The following NDUFA10 variants were observed in gnomAD, a reference collection of about 807,000 sequenced individuals.
NDUFA10 encodes the protein NADH dehydrogenase [ubiquinone] 1 alpha subcomplex subunit 10, mitochondrial.
A neutral mutation model predicts 47.8 loss-of-function variants in NDUFA10; 40 were observed. The ratio of observed to expected loss-of-function variants is 0.84; its 90% CI spans 0.65 to 1.09. The LOEUF is 1.09. Among genes scored for constraint, NDUFA10 ranks in the 50% least tolerant of loss-of-function variants. The pLI, the probability that NDUFA10 is intolerant of heterozygous loss-of-function variation, is 0.00. For synonymous variants in NDUFA10, 183 were observed against 172.2 expected, an observed-to-expected ratio of 1.06 and a Z score of -0.49; for missense variants, 413 against 451.1, an observed-to-expected ratio of 0.92 and a Z score of 0.76.
At chr2:239,893,324 C>G (rs955409864) in intron 5 of NDUFA10, among the ~76,000 whole-genome samples, 2 of 152,136 alleles carry the variant, frequency 1.3e-5, no homozygotes, top group Non-Finnish European at 2.9e-5. Context: ...CATGTGCCCA[C>G]CTCTGAGCCA....
intron 9 of NDUFA10, among the ~76,000 whole-genome samples, chr2:239,986,941 A>G (rs906833501): frequency 7.3e-6 from 1 of 137,488 alleles, no homozygotes; most frequent in African/African-American, 2.5e-5. Context: ...TATCCCTCAA[A>G]ACCACATTGA....
chr2:239,912,771 G>A (rs1693778194), intron 4 of NDUFA10, among the ~76,000 whole-genome samples: 1 of 152,332 alleles, frequency 6.6e-6, no homozygotes, highest in Middle Eastern at 3.4e-3. Context: ...GAGGCTGGTG[G>A]TGGTCAACTG....
rs895986487 is a variant in NDUFA10 at position 239,959,921 on chromosome 2, G to A, written c.*1197C>T. On this transcript the variant is annotated 3_prime_UTR_variant, in exon 10 of 10. Transcript: ENST00000252711. ...TCTTCTTCGCATGCTCCGCAGCAGCGAGGCCTGGTAGAGCTTCCGCGGGGA... is the reference window on the plus strand; with the variant it reads ...TCTTCTTCGCATGCTCCGCAGCAGCAAGGCCTGGTAGAGCTTCCGCGGGGA... The A allele has an allele frequency of 1.9e-5, 19 of 985,376 alleles. No individual in the cohort carries two copies. Among genetic ancestry groups the A allele is most frequent in the African/African-American group, 1.0e-4 (6 of 57,228 alleles). 61.0% of individuals were successfully genotyped at this position (985,376 alleles called of 1,614,324 possible).
intron 4 of NDUFA10, among the ~76,000 whole-genome samples, chr2:239,901,709 T>C (rs937808615): frequency 1.3e-4 from 19 of 151,696 alleles, no homozygotes; most frequent in African/African-American, 4.4e-4. Context: ...GCAAAGTCAA[T>C]TGAAAACCTT....
intron 9 of NDUFA10, chr2:239,983,689 T>C: frequency 6.4e-7 from 1 of 1,573,982 alleles, no homozygotes; most frequent in Non-Finnish European, 8.6e-7. Flanking sequence ...TGTGGATTCC[T>C]CCCCAAAACA....
intron 4 of NDUFA10, among the ~76,000 whole-genome samples, chr2:239,942,696 C>A (rs1320226044): frequency 6.6e-6 from 1 of 152,114 alleles, no homozygotes; most frequent in Non-Finnish European, 1.5e-5. Flanking sequence ...GGTCCCTTCT[C>A]CAGCACTGAG....
intron 5 of NDUFA10, among the ~76,000 whole-genome samples, chr2:239,893,063 A>C (rs1328462455): frequency 6.6e-6 from 1 of 152,052 alleles, no homozygotes; most frequent in African/African-American, 2.4e-5. Context: ...CAGCAACAGG[A>C]AACTAGTTGG....
intron 9 of NDUFA10, among the ~76,000 whole-genome samples, chr2:239,967,975 A>AAAAAACAC (rs759401228): frequency 2.4e-5 from 1 of 42,084 alleles, no homozygotes; most frequent in African/African-American, 1.0e-4. Flanking sequence ...CAAGGAAAAA[A>AAAAAACAC]ATATACACAC....
chr2:239,959,974 T>A lies in NDUFA10; in HGVS notation c.*1144A>T, dbSNP rs1694782725. 1.0e-6 allele frequency: 1 copy of A among 985,376 alleles called. No homozygotes were observed. The highest frequency in any genetic ancestry group is 1.7e-5 in the African/African-American group (1 of 57,258). 61.0% of individuals were successfully genotyped at this position (985,376 alleles called of 1,614,324 possible). A position where few individuals can be genotyped will look rare whatever the true frequency, so the allele number is the denominator to read the frequency against. On this transcript the variant is annotated 3_prime_UTR_variant, in exon 10 of 10. Transcript: ENST00000252711. Reference sequence around the variant, plus strand: ...AGAGCATCGTCCTCTGCACCAGCACTGGAACTACTGCCCACAGGCGGCTGT... The same window carrying A: ...AGAGCATCGTCCTCTGCACCAGCACAGGAACTACTGCCCACAGGCGGCTGT...
intron 4 of NDUFA10, among the ~76,000 whole-genome samples, chr2:239,950,998 T>C (rs188868240): frequency 3.9e-5 from 6 of 152,338 alleles, no homozygotes; most frequent in African/African-American, 1.2e-4. Flanking sequence ...CCCTCGTTCC[T>C]TTGTCAGGTA....
intron 7 of NDUFA10, among the ~76,000 whole-genome samples, chr2:240,006,979 G>T (rs6437232): frequency 0.69 from 104,447 of 152,216 alleles, 36,039 homozygotes; most frequent in East Asian, 0.76. Flanking sequence ...CAAAACACAC[G>T]AATTTAAGGA....
chr2:239,903,102 G>T (rs533732257), intron 4 of NDUFA10, among the ~76,000 whole-genome samples: 2 of 152,176 alleles, frequency 1.3e-5, no homozygotes, highest in East Asian at 3.9e-4. Context: ...GTCTGACCCA[G>T]CTCACCTCAC....
At chr2:240,005,404 A>G in intron 7 of NDUFA10, 109 bp from the exon 8 acceptor site, 2 of 864,762 alleles carry the variant, frequency 2.3e-6, no homozygotes, top group South Asian at 2.7e-5. Flanking sequence ...GCTGGAAAGT[A>G]GTGGCACAAT....
In NDUFA10 at chr2:239,958,106, T is replaced by C. The variant is rs985004649; in HGVS notation, c.*3012A>G. The C allele has an allele frequency of 1.3e-5, 2 of 152,204 alleles. No homozygotes were observed. The highest frequency in any genetic ancestry group is 2.9e-5 in the Non-Finnish European group (2 of 68,028). 9.4% of individuals were successfully genotyped at this position (152,204 alleles called of 1,614,324 possible). On this transcript the variant is annotated 3_prime_UTR_variant, in exon 10 of 10. Transcript: ENST00000252711. ...CAGATCACTCGGGCACCTGCTTCCA[T>C]TCATGGAATTCTGGCCAGCCAGTGG... is the stretch of plus-strand genomic sequence containing the variant.
intron 8 of NDUFA10, among the ~76,000 whole-genome samples, chr2:240,002,424 A>T (rs1696765268): frequency 6.6e-6 from 1 of 152,064 alleles, no homozygotes; most frequent in Admixed American, 6.5e-5. Flanking sequence ...TCCTTTCAAA[A>T]GACTTTCTAG....
At chr2:240,009,751 C>G (rs1426519474) in intron 6 of NDUFA10, among the ~76,000 whole-genome samples, 1 of 152,130 alleles carries the variant, frequency 6.6e-6, no homozygotes, top group Non-Finnish European at 1.5e-5. Context: ...AGTATTAAAA[C>G]TAAAAACATT....
intron 8 of NDUFA10, among the ~76,000 whole-genome samples, chr2:239,998,231 T>TC (rs1696558545): frequency 6.6e-6 from 1 of 152,082 alleles, no homozygotes; most frequent in Admixed American, 6.5e-5. Context: ...CCCTCACCCC[T>TC]CCCTCCTTCA....
chr2:239,937,298 C>T (rs1466843934), intron 4 of NDUFA10, among the ~76,000 whole-genome samples: 1 of 152,238 alleles, frequency 6.6e-6, no homozygotes, highest in African/African-American at 2.4e-5. Context: ...AATTGCGTAA[C>T]TACTGCGGTA....
intron 8 of NDUFA10, among the ~76,000 whole-genome samples, chr2:239,991,085 G>A (rs571988658): frequency 6.6e-6 from 1 of 152,274 alleles, no homozygotes; most frequent in African/African-American, 2.4e-5. Flanking sequence ...TTGTGAGACA[G>A]TCCAGGCCCA....
Sources: gnomAD v4.1 joint callset for allele counts (sites outside exome capture counted in the v4.1 genomes callset) on GRCh38, gnomAD v4.1.1 for gene constraint, MANE v1.5 for transcripts, NCBI Gene and HGNC (gene_info 2026-07-23, HGNC 2026-07-21) for gene names.